LRRC4C: variants seen among roughly 807,000 people sequenced by gnomAD.
LRRC4C encodes leucine-rich repeat-containing protein 4C.
In LRRC4C, 5 loss-of-function variants were observed where a neutral mutation model predicts 33.6. That is an observed-to-expected ratio of 0.15 (90% CI 0.08 to 0.31). LRRC4C has a LOEUF of 0.31. Among genes scored for constraint, LRRC4C ranks in the 10% least tolerant of loss-of-function variants. The pLI is 1.00. For missense variants in LRRC4C, 560 were observed against 796.7 expected (o/e 0.70, Z 3.58); for synonymous variants, 329 against 302.0 (o/e 1.09, Z -0.93).
At chr11:40,386,528 G>A (rs929328968) in intron 3 of LRRC4C, among the ~76,000 whole-genome samples, 1 of 152,082 alleles carries the variant, frequency 6.6e-6, no homozygotes, top group African/African-American at 2.4e-5. Flanking sequence ...ATTACATTAG[G>A]TCTTTCTTCC....
chr11:41,158,327 G>T (rs374467179), intron 1 of LRRC4C, among the ~76,000 whole-genome samples: 1 of 152,012 alleles, frequency 6.6e-6, no homozygotes, highest in South Asian at 2.1e-4. Context: ...GTTTTTCAAA[G>T]ATTTTTGAGG....
chr11:40,528,672 A>T (rs889489399), intron 3 of LRRC4C, among the ~76,000 whole-genome samples: 1 of 152,200 alleles, frequency 6.6e-6, no homozygotes, highest in Non-Finnish European at 1.5e-5. Context: ...AAGAATCTCA[A>T]AAAAGATATC....
intron 5 of LRRC4C, among the ~76,000 whole-genome samples, chr11:40,181,209 C>G (rs961396867): frequency 1.3e-5 from 2 of 152,318 alleles, no homozygotes; most frequent in Admixed American, 1.3e-4. Flanking sequence ...TCCTCCATCT[C>G]TCCATGTCTC....
At chr11:40,744,733 A>G (rs1311424987) in intron 2 of LRRC4C, among the ~76,000 whole-genome samples, 2 of 152,286 alleles carry the variant, frequency 1.3e-5, no homozygotes, top group Non-Finnish European at 2.9e-5. Flanking sequence ...ATAACTTTCC[A>G]AGGTTATATC....
chr11:41,190,257 G>A (rs1380388510), intron 1 of LRRC4C, among the ~76,000 whole-genome samples: 2 of 152,120 alleles, frequency 1.3e-5, no homozygotes, highest in Admixed American at 6.6e-5. Flanking sequence ...GAGAGAGGAA[G>A]GGTCACAGAG....
intron 1 of LRRC4C, among the ~76,000 whole-genome samples, chr11:41,335,502 G>T (rs1387800829): frequency 6.6e-6 from 1 of 152,064 alleles, no homozygotes; most frequent in Non-Finnish European, 1.5e-5. Flanking sequence ...ATTAACCATT[G>T]CCTGAAATTG....
chr11:40,856,520 T>C (rs1160949430), intron 2 of LRRC4C, among the ~76,000 whole-genome samples: 2 of 152,262 alleles, frequency 1.3e-5, no homozygotes, highest in Admixed American at 1.3e-4. Flanking sequence ...AATGCATTTA[T>C]ATATTTAAAT....
intron 1 of LRRC4C, among the ~76,000 whole-genome samples, chr11:41,420,949 G>A (rs1259583444): frequency 6.6e-6 from 1 of 151,944 alleles, no homozygotes; most frequent in Non-Finnish European, 1.5e-5. Context: ...TAAAGTATAT[G>A]AATGTTTGGG....
rs556399573 is a variant in LRRC4C, at chr11:40,670,967, G to A, written c.-406-22689C>T. Among the ~76,000 whole-genome samples the A allele has an allele frequency of 8.5e-5, 13 of 152,238 alleles. No homozygotes were observed. In the East Asian group the frequency reaches 1.9e-3, roughly 23 times the overall value. On this transcript the variant is annotated intron_variant, in intron 2 of 6. Coordinates refer to ENST00000528697, the MANE Select transcript of LRRC4C (RefSeq NM_001258419.2). ...TTTAGTAGAGATGGGGTTTCACCGTGTTAGCCAGGATTGTCTCAATCTCCT... is the reference window on the plus strand; with the variant it reads ...TTTAGTAGAGATGGGGTTTCACCGTATTAGCCAGGATTGTCTCAATCTCCT...
chr11:40,519,527 A>G (rs1177828465), intron 3 of LRRC4C, among the ~76,000 whole-genome samples: 2 of 152,178 alleles, frequency 1.3e-5, no homozygotes, highest in African/African-American at 4.8e-5. Flanking sequence ...TCTCTTAGCC[A>G]TATAAACTAG....
intron 1 of LRRC4C, among the ~76,000 whole-genome samples, chr11:41,290,497 T>C (rs1591172696): frequency 1.3e-5 from 2 of 152,160 alleles, no homozygotes; most frequent in East Asian, 3.9e-4. Context: ...TGCATAGCAT[T>C]GACAATCGTT....
intron 1 of LRRC4C, among the ~76,000 whole-genome samples, chr11:41,447,522 G>T (rs559619369): frequency 6.6e-6 from 1 of 152,156 alleles, no homozygotes; most frequent in South Asian, 2.1e-4. Flanking sequence ...TTTCATTTTT[G>T]TCCCCAAAGT....
intron 1 of LRRC4C, among the ~76,000 whole-genome samples, chr11:41,394,268 G>A (rs1953717950): frequency 6.6e-6 from 1 of 152,004 alleles, no homozygotes; most frequent in East Asian, 2.0e-4. Flanking sequence ...TCCATTTCTA[G>A]GAGGGAAATC....
chr11:40,233,243 C>T (rs972101212), intron 5 of LRRC4C, among the ~76,000 whole-genome samples: 1 of 152,188 alleles, frequency 6.6e-6, no homozygotes, highest in Non-Finnish European at 1.5e-5. Context: ...TTGTGTCCTA[C>T]ATGAGTGGGG....
rs1478855383 is a variant in LRRC4C, at chr11:40,735,298, T to C, written c.-406-87020A>G. On this transcript the variant is annotated intron_variant, in intron 2 of 6. Coordinates refer to ENST00000528697, the MANE Select transcript of LRRC4C (RefSeq NM_001258419.2). ...TTAGCATTAGGTATATCTCCTAATG[T>C]TATCCCTCCCCACTCCCCCCACCCC... Among the ~76,000 whole-genome samples the C allele has an allele frequency of 2.0e-5, 3 of 151,682 alleles. No homozygotes were observed. The East Asian group carries it at 5.8e-4, about 29-fold the overall frequency.
intron 3 of LRRC4C, among the ~76,000 whole-genome samples, chr11:40,398,390 A>C (rs1351092235): frequency 6.6e-6 from 1 of 152,080 alleles, no homozygotes; most frequent in Non-Finnish European, 1.5e-5. Flanking sequence ...TCATGAGCCA[A>C]GAGACTATAC....
At chr11:40,700,910 A>G (rs1210926822) in intron 2 of LRRC4C, among the ~76,000 whole-genome samples, 1 of 152,202 alleles carries the variant, frequency 6.6e-6, no homozygotes, top group East Asian at 1.9e-4. Context: ...TATCCATGCC[A>G]AACTCAAATT....
At chr11:41,061,711 A>G (rs538436656) in intron 1 of LRRC4C, among the ~76,000 whole-genome samples, 1 of 152,200 alleles carries the variant, frequency 6.6e-6, no homozygotes, top group Non-Finnish European at 1.5e-5. Flanking sequence ...TGACTTTGGA[A>G]GGTATACTAT....
At chr11:41,318,899 T>G (rs967438731) in intron 1 of LRRC4C, among the ~76,000 whole-genome samples, 1 of 152,252 alleles carries the variant, frequency 6.6e-6, no homozygotes, top group African/African-American at 2.4e-5. Context: ...CTGCCACTAA[T>G]TTTTTCACAC....
Sources: gnomAD v4.1 joint callset for allele counts (sites outside exome capture counted in the v4.1 genomes callset) on GRCh38, gnomAD v4.1.1 for gene constraint, MANE v1.5 for transcripts, NCBI Gene and HGNC (gene_info 2026-07-23, HGNC 2026-07-21) for gene names.